The following PHACTR4 variants were observed in gnomAD, a reference collection of about 807,000 sequenced individuals.
PHACTR4 encodes protein phosphatase 1, regulatory subunit 124.
Under a neutral mutation model 72.7 loss-of-function variants are expected in PHACTR4, and 51 were observed. The observed-to-expected ratio is 0.70, with a 90% CI of 0.56 to 0.89. The LOEUF is 0.89. PHACTR4 is among the 40% of genes least tolerant of loss of function. PHACTR4 has a pLI of 0.00. For missense variants in PHACTR4, 731 were observed against 861.8 expected, an observed-to-expected ratio of 0.85 and a Z score of 1.90; for synonymous variants, 255 against 302.5, an observed-to-expected ratio of 0.84 and a Z score of 1.63.
At position 28,496,711 on chromosome 1, in the gene PHACTR4, AG is replaced by A; in HGVS notation, c.*163del. On this transcript the variant is annotated 3_prime_UTR_variant, in exon 14 of 14. Transcript: ENST00000373839. ...TGAATGTAGCATTTCACTGGAACAGAGTCTTATGTGCTGCACCGGGGGCAAA... is the reference window on the plus strand; with the variant it reads ...TGAATGTAGCATTTCACTGGAACAGATCTTATGTGCTGCACCGGGGGCAAA... 1.2e-6 allele frequency: 1 copy of A among 805,122 alleles called. No homozygotes were observed. The allele number at this position is 805,122 out of a possible 1,614,324, so 49.9% of individuals were successfully genotyped here. A position where few individuals can be genotyped will look rare whatever the true frequency, so the allele number is the denominator to read the frequency against.
chr1:28,476,258 C>T lies in PHACTR4; in HGVS notation c.1573C>T (p.Arg525Ter). The T allele has an allele frequency of 5.0e-6, 8 of 1,605,272 alleles. No individual in the cohort carries two copies. Among genetic ancestry groups the T allele is most frequent in the Middle Eastern group, 1.7e-4 (1 of 6,012 alleles). ...TGATTCAGAAGGTCCCATTCAGTACCGAGATGAAGAAGATGAAGATGAAAG... is the reference window on the plus strand; with the variant it reads ...TGATTCAGAAGGTCCCATTCAGTACTGAGATGAAGAAGATGAAGATGAAAG... ...DSDSEGPIQYRDEEDEDESYQ... is the reference protein window; with the variant it reads ...DSDSEGPIQY The change falls in exon 8 of 14, where the codon CGA becomes TGA. Residue 525 changes from arginine to a stop codon, truncating the protein, a stop_gained. Transcript: ENST00000373839. LOFTEE classifies it high-confidence loss of function.
At chr1:28,397,905 G>A (rs923163468) in intron 1 of PHACTR4, among the ~76,000 whole-genome samples, 8 of 151,732 alleles carry the variant, frequency 5.3e-5, no homozygotes, top group Non-Finnish European at 1.0e-4. Flanking sequence ...AGTAGAAACG[G>A]GTTTTCACCA....
At chr1:28,414,495 T>C (rs11247813) in intron 2 of PHACTR4, among the ~76,000 whole-genome samples, 56,277 of 147,600 alleles carry the variant, frequency 0.38, 12,427 homozygotes, top group African/African-American at 0.6. Context: ...CTCCCACCTC[T>C]GCCTCCCAAG....
intron 2 of PHACTR4, among the ~76,000 whole-genome samples, chr1:28,446,214 T>C (rs757862468): frequency 6.6e-6 from 1 of 152,202 alleles, no homozygotes; most frequent in Non-Finnish European, 1.5e-5. Flanking sequence ...TAGGGGTCTG[T>C]CATAAACTCC....
intron 2 of PHACTR4, among the ~76,000 whole-genome samples, chr1:28,445,694 A>G (rs1488309133): frequency 6.6e-6 from 1 of 152,134 alleles, no homozygotes. Context: ...GTTTTGGGGA[A>G]CGTGATTTGG....
At chr1:28,399,493 C>T (rs1219031174) in intron 1 of PHACTR4, among the ~76,000 whole-genome samples, 1 of 152,150 alleles carries the variant, frequency 6.6e-6, no homozygotes, top group East Asian at 1.9e-4. Context: ...TTTCTCATGG[C>T]TCACATACGT....
intron 2 of PHACTR4, among the ~76,000 whole-genome samples, chr1:28,454,337 C>T (rs1056296749): frequency 7.7e-6 from 1 of 130,294 alleles, no homozygotes; most frequent in African/African-American, 3.0e-5. Context: ...AGTACAGTGG[C>T]GTGATCTCGG....
intron 2 of PHACTR4, among the ~76,000 whole-genome samples, chr1:28,408,103 G>A (rs1461183365): frequency 6.6e-6 from 1 of 152,224 alleles, no homozygotes; most frequent in African/African-American, 2.4e-5. Flanking sequence ...CTGGGCAACA[G>A]AGCAAGACTC....
At chr1:28,487,813 T>G in intron 9 of PHACTR4, among the ~76,000 whole-genome samples, 1 of 133,430 alleles carries the variant, frequency 7.5e-6, no homozygotes, top group Non-Finnish European at 1.6e-5. Context: ...TTCAGCTCAC[T>G]GCAACCTCCA....
At chr1:28,370,612 A>G (rs1208701235) in intron 1 of PHACTR4, among the ~76,000 whole-genome samples, 1 of 64,140 alleles carries the variant, frequency 1.6e-5, no homozygotes, top group Non-Finnish European at 3.0e-5. Context: ...GATTGCTTGC[A>G]AAAAAAAAAA....
intron 2 of PHACTR4, among the ~76,000 whole-genome samples, chr1:28,411,531 A>G (rs911236565): frequency 1.3e-5 from 2 of 152,216 alleles, no homozygotes; most frequent in African/African-American, 4.8e-5. Flanking sequence ...ATACACACAT[A>G]TACATATGAT....
intron 11 of PHACTR4, 61 bp downstream of exon 11, chr1:28,491,073 G>T (rs1388771963): frequency 3.9e-6 from 6 of 1,524,888 alleles, no homozygotes; most frequent in Non-Finnish European, 5.4e-6. Flanking sequence ...CTATTTGATT[G>T]GAAATGAATT....
At chr1:28,433,992 C>A (rs1656467078) in intron 2 of PHACTR4, among the ~76,000 whole-genome samples, 2 of 151,584 alleles carry the variant, frequency 1.3e-5, no homozygotes, top group South Asian at 4.2e-4. Flanking sequence ...GTTGGTCAGG[C>A]TCTTCTTGAA....
intron 13 of PHACTR4, among the ~76,000 whole-genome samples, chr1:28,493,648 C>T (rs1049453321): frequency 6.6e-6 from 1 of 152,040 alleles, no homozygotes; most frequent in Non-Finnish European, 1.5e-5. Context: ...CATTTTATCA[C>T]TGAGGAAATG....
At chr1:28,474,507 A>C (rs1659791854) in intron 7 of PHACTR4, among the ~76,000 whole-genome samples, 1 of 149,260 alleles carries the variant, frequency 6.7e-6, no homozygotes, top group Non-Finnish European at 1.5e-5. Flanking sequence ...TGGGCGACAA[A>C]GCGAGTCTCT....
At chr1:28,476,736 G>A (rs1311184369) in intron 8 of PHACTR4, among the ~76,000 whole-genome samples, 1 of 143,884 alleles carries the variant, frequency 7.0e-6, no homozygotes, top group East Asian at 2.0e-4. Flanking sequence ...TTTTGTTTTT[G>A]TAGAGACAGG....
At chr1:28,441,281 T>A (rs1657009326) in intron 2 of PHACTR4, among the ~76,000 whole-genome samples, 1 of 152,092 alleles carries the variant, frequency 6.6e-6, no homozygotes, top group Admixed American at 6.6e-5. Context: ...GGTCTCACTG[T>A]CGTGACCAGG....
chr1:28,398,797 T>C (rs1653727551), intron 1 of PHACTR4, among the ~76,000 whole-genome samples: 2 of 151,000 alleles, frequency 1.3e-5, no homozygotes, highest in Non-Finnish European at 3.0e-5. Flanking sequence ...CCAGCCTGGG[T>C]GACAGAGCAA....
rs115029678 is a variant in PHACTR4, at chr1:28,413,841, G to T, written c.16+6378G>T. Among the ~76,000 whole-genome samples, 757 of 152,258 alleles carry T rather than the reference G, an allele frequency of 5.0e-3. 5 individuals are homozygous for T. The highest frequency in any genetic ancestry group is 0.017 in the African/African-American group (709 of 41,562). ...TTAAAAGTGAGGGACTAAATAGCCA[G>T]TTAGAAGCTTTAAATGTATAGGCAG... is the stretch of plus-strand genomic sequence containing the variant. On this transcript the variant is annotated intron_variant, in intron 2 of 13. Transcript: ENST00000373839.
Sources: allele counts gnomAD v4.1 joint callset (sites outside exome capture counted in the v4.1 genomes callset), GRCh38; gene constraint gnomAD v4.1.1; transcripts MANE v1.5; gene names NCBI Gene and HGNC (gene_info 2026-07-23, HGNC 2026-07-21).